The following PPP6R3 variants were observed in gnomAD, a reference collection of about 807,000 sequenced individuals.
PPP6R3 encodes serine/threonine-protein phosphatase 6 regulatory subunit 3.
Under a neutral mutation model 110.7 loss-of-function variants are expected in PPP6R3, and 38 were observed. That is an observed-to-expected ratio of 0.34 (90% confidence interval 0.26 to 0.45). PPP6R3 has a LOEUF of 0.45. Ranked by LOEUF, PPP6R3 falls within the 20% of genes least tolerant of loss-of-function variation. PPP6R3 has a pLI of 1.00. For missense variants in PPP6R3, 870 were observed against 1,062.4 expected, an observed-to-expected ratio of 0.82 and a Z score of 2.52; for synonymous variants, 369 against 373.5, an observed-to-expected ratio of 0.99 and a Z score of 0.14.
chr11:68,534,394 A>G (rs927846254), intron 2 of PPP6R3, among the ~76,000 whole-genome samples: 2 of 152,198 alleles, frequency 1.3e-5, no homozygotes, highest in African/African-American at 2.4e-5. Context: ...AAAAATGTCA[A>G]AATCATTCAT....
intron 15 of PPP6R3, among the ~76,000 whole-genome samples, chr11:68,583,944 C>T (rs1031337878): frequency 3.3e-5 from 5 of 152,150 alleles, no homozygotes; most frequent in African/African-American, 9.7e-5. Flanking sequence ...CTCTAAGCTT[C>T]GTCTTAGATG....
chr11:68,479,703 GTTC>G (rs2098887951), intron 1 of PPP6R3, among the ~76,000 whole-genome samples: 1 of 151,748 alleles, frequency 6.6e-6, no homozygotes, highest in South Asian at 2.1e-4. Context: ...TTTATGTAGA[GTTC>G]TTATTTCTTA....
intron 3 of PPP6R3, among the ~76,000 whole-genome samples, 177 bp downstream of exon 3, chr11:68,538,068 C>T (rs1363072719): frequency 6.6e-6 from 1 of 152,102 alleles, no homozygotes; most frequent in Non-Finnish European, 1.5e-5. Flanking sequence ...TCCAGGGAAT[C>T]ACAAGAGTTT....
intron 1 of PPP6R3, among the ~76,000 whole-genome samples, chr11:68,488,109 A>C (rs12274114): frequency 0.25 from 38,686 of 152,140 alleles, 5,174 homozygotes; most frequent in Middle Eastern, 0.33. Context: ...ATCATTATGT[A>C]ATACCTCTCT....
At position 68,494,363 on chromosome 11, in the gene PPP6R3, A is replaced by C. The variant is rs940556898; in HGVS notation, c.-157-25138A>C. Among the ~76,000 whole-genome samples the C allele has an allele frequency of 3.3e-5, 5 of 150,166 alleles. No individual in the cohort carries two copies. In the South Asian group the frequency reaches 1.1e-3, roughly 32 times the overall value. ...ACATGGTGAAAGCCCATCTCTACTA[A>C]AAATACAAAAATTAGCTAGGTGCGG... On this transcript the variant is annotated intron_variant, in intron 1 of 23. Coordinates refer to ENST00000393800, the MANE Select transcript of PPP6R3 (RefSeq NM_001164161.2).
intron 1 of PPP6R3, among the ~76,000 whole-genome samples, chr11:68,462,971 A>G (rs547289992): frequency 4.6e-5 from 7 of 152,346 alleles, no homozygotes; most frequent in African/African-American, 1.7e-4. Flanking sequence ...GTCAACAAGC[A>G]AAAAGTTGTT....
chr11:68,535,948 C>T (rs1454166435), intron 2 of PPP6R3, among the ~76,000 whole-genome samples: 1 of 152,034 alleles, frequency 6.6e-6, no homozygotes, highest in Non-Finnish European at 1.5e-5. Flanking sequence ...GCCTGGGTGA[C>T]AGAGCAAGAC....
At chr11:68,474,854 C>CT (rs1359004668) in intron 1 of PPP6R3, among the ~76,000 whole-genome samples, 1 of 152,086 alleles carries the variant, frequency 6.6e-6, no homozygotes, top group East Asian at 1.9e-4. Flanking sequence ...TTCTGACTTA[C>CT]TATCTTTTGC....
intron 1 of PPP6R3, among the ~76,000 whole-genome samples, chr11:68,511,255 C>T (rs532872290): frequency 4.0e-5 from 6 of 151,838 alleles, no homozygotes; most frequent in Admixed American, 2.6e-4. Context: ...TTAGTAGAGA[C>T]GGGGTTTCGC....
intron 1 of PPP6R3, among the ~76,000 whole-genome samples, chr11:68,467,804 T>C (rs1190593574): frequency 6.6e-6 from 1 of 152,218 alleles, no homozygotes; most frequent in Non-Finnish European, 1.5e-5. Context: ...AGATGGACTC[T>C]CAGTCTGTCG....
chr11:68,545,034 A>T lies in PPP6R3; in HGVS notation c.414+10A>T. On this transcript the variant is annotated intron_variant, in intron 4 of 23. Transcript: ENST00000393800. ...CAGAAAACCAGAACAGGTAAATATG[A>T]TTTTCCAAAAGGTAAGTATTAGGGC... is the stretch of plus-strand genomic sequence containing the variant. 6.3e-7 allele frequency: 1 copy of T among 1,578,384 alleles called. No individual in the cohort carries two copies. Among genetic ancestry groups the T allele is most frequent in the Non-Finnish European group, 8.7e-7 (1 of 1,148,960 alleles).
chr11:68,499,458 G>C (rs1296545581), intron 1 of PPP6R3, among the ~76,000 whole-genome samples: 1 of 152,158 alleles, frequency 6.6e-6, no homozygotes, highest in East Asian at 1.9e-4. Flanking sequence ...CACTGAGAGA[G>C]TGATTCAAGA....
intron 1 of PPP6R3, among the ~76,000 whole-genome samples, chr11:68,480,336 A>G (rs1403584341): frequency 6.6e-6 from 1 of 152,234 alleles, no homozygotes; most frequent in Non-Finnish European, 1.5e-5. Context: ...AGAATGGCCA[A>G]ATGCCCTCAG....
intron 1 of PPP6R3, among the ~76,000 whole-genome samples, chr11:68,518,636 A>T (rs1385680581): frequency 6.6e-6 from 1 of 152,182 alleles, no homozygotes; most frequent in African/African-American, 2.4e-5. Flanking sequence ...AAAATATTTT[A>T]TTTTTAAAAT....
intron 12 of PPP6R3, among the ~76,000 whole-genome samples, chr11:68,572,648 G>A (rs1426606812): frequency 6.6e-6 from 1 of 152,122 alleles, no homozygotes; most frequent in African/African-American, 2.4e-5. Flanking sequence ...CCAGGGGTTC[G>A]AGACCAGTCT....
chr11:68,463,355 G>GA (rs1156285158), intron 1 of PPP6R3, among the ~76,000 whole-genome samples: 1,590 of 54,526 alleles, frequency 0.029, 44 homozygotes, highest in Non-Finnish European at 0.033. Flanking sequence ...CTCAGTCTCA[G>GA]AAAAAAAAAA....
At chr11:68,475,021 T>G (rs987689094) in intron 1 of PPP6R3, among the ~76,000 whole-genome samples, 1 of 152,074 alleles carries the variant, frequency 6.6e-6, no homozygotes, top group Non-Finnish European at 1.5e-5. Context: ...TACAAACAAG[T>G]GAACAAAGGT....
chr11:68,529,685 C>G (rs966047509), intron 2 of PPP6R3, among the ~76,000 whole-genome samples: 2 of 152,180 alleles, frequency 1.3e-5, no homozygotes, highest in African/African-American at 2.4e-5. Context: ...CAAAACAGTT[C>G]TCGTTTTCTT....
rs560068384 is a variant in PPP6R3 at position 68,567,306 on chromosome 11, T to A, written c.1128+140T>A. ...CATAAATGGTGTTTTATGTAGTTTT[T>A]GCCTTGAGTTTATTATAAATTTCGA... On this transcript the variant is annotated intron_variant, in intron 10 of 23. Coordinates refer to ENST00000393800, the MANE Select transcript of PPP6R3 (RefSeq NM_001164161.2). The A allele has an allele frequency of 2.9e-5, 27 of 942,114 alleles. No individual in the cohort carries two copies. The African/African-American group carries it at 4.4e-4, about 15-fold the overall frequency. 58.4% of individuals were successfully genotyped at this position (942,114 alleles called of 1,614,324 possible).
Sources: allele counts gnomAD v4.1 joint callset (sites outside exome capture counted in the v4.1 genomes callset), GRCh38; gene constraint gnomAD v4.1.1; transcripts MANE v1.5; gene names NCBI Gene and HGNC (gene_info 2026-07-23, HGNC 2026-07-21).